The following PCSK5 variants were observed in gnomAD, a reference collection of about 807,000 sequenced individuals.
PCSK5 encodes the protein prohormone convertase 5.
A neutral mutation model predicts 233.2 loss-of-function variants in PCSK5; 129 were observed. The ratio of observed to expected loss-of-function variants is 0.55; its 90% CI spans 0.48 to 0.64. The LOEUF is 0.64. Ranked by LOEUF, PCSK5 falls within the 30% of genes least tolerant of loss-of-function variation. PCSK5 has a pLI of 0.00. For missense variants in PCSK5, 2,076 were observed against 2,430.1 expected (o/e 0.85, Z 3.06); for synonymous variants, 825 against 879.2 (o/e 0.94, Z 1.09).
rs1260453273 is a variant in PCSK5, at chr9:76,068,127, A to T, written c.721+84A>T. ...GGCTTTCAGAATCCTTTTTAAATGG[A>T]GGTTAAACGATTGGGCATATCTCTA... On this transcript the variant is annotated intron_variant, in intron 6 of 37. Coordinates refer to ENST00000674117, the MANE Select transcript of PCSK5 (RefSeq NM_001372043.1). 19 of 931,324 alleles carry T rather than the reference A, an allele frequency of 2.0e-5. No individual in the cohort carries two copies. In the Admixed American group the frequency reaches 3.4e-4, roughly 17 times the overall value. The allele number at this position is 931,324 out of a possible 1,614,324, so 57.7% of individuals were successfully genotyped here.
At chr9:75,919,769 A>C (rs1236858742) in intron 1 of PCSK5, among the ~76,000 whole-genome samples, 1 of 152,184 alleles carries the variant, frequency 6.6e-6, no homozygotes, top group South Asian at 2.1e-4. Flanking sequence ...TTATCCACAG[A>C]TGCTGCTGCT....
chr9:76,246,831 G>A (rs1043149401), intron 24 of PCSK5, among the ~76,000 whole-genome samples: 1 of 152,216 alleles, frequency 6.6e-6, no homozygotes, highest in African/African-American at 2.4e-5. Flanking sequence ...GGTACACATA[G>A]TATGCTACTA....
intron 35 of PCSK5, among the ~76,000 whole-genome samples, chr9:76,345,464 G>T (rs1349355217): frequency 6.6e-6 from 1 of 152,178 alleles, no homozygotes; most frequent in Admixed American, 6.5e-5. Context: ...TGTCGCCCAG[G>T]CTGGAGTGCA....
chr9:76,281,794 G>A (rs552069644), intron 24 of PCSK5, among the ~76,000 whole-genome samples: 72 of 152,122 alleles, frequency 4.7e-4, no homozygotes, highest in African/African-American at 1.6e-3. Context: ...AACTACAGGT[G>A]TATGCCACCA....
At chr9:75,995,058 T>C (rs1050600447) in intron 3 of PCSK5, among the ~76,000 whole-genome samples, 9 of 152,184 alleles carry the variant, frequency 5.9e-5, no homozygotes, top group African/African-American at 2.2e-4. Flanking sequence ...TTAAACATGT[T>C]CTCTCTCTGC....
chr9:75,985,920 A>C (rs1341965841), intron 2 of PCSK5, among the ~76,000 whole-genome samples: 3 of 152,148 alleles, frequency 2.0e-5, no homozygotes, highest in Admixed American at 2.0e-4. Flanking sequence ...TCTATATAAA[A>C]AACTAAAACA....
At chr9:76,327,487 C>A (rs72743128) in intron 32 of PCSK5, among the ~76,000 whole-genome samples, 1 of 152,054 alleles carries the variant, frequency 6.6e-6, no homozygotes, top group Non-Finnish European at 1.5e-5. Context: ...AAATACTTAT[C>A]GATTCCTATT....
chr9:76,018,955 C>T (rs1828069739), intron 3 of PCSK5, among the ~76,000 whole-genome samples: 1 of 152,162 alleles, frequency 6.6e-6, no homozygotes, highest in Non-Finnish European at 1.5e-5. Flanking sequence ...TTGTTTTTGG[C>T]CCTGCTCTAA....
chr9:76,219,741 G>C (rs1825661740), intron 20 of PCSK5, among the ~76,000 whole-genome samples: 4 of 152,216 alleles, frequency 2.6e-5, no homozygotes, highest in Non-Finnish European at 5.9e-5. Flanking sequence ...GTGGAGAGAG[G>C]CCCCCTTTCT....
intron 35 of PCSK5, among the ~76,000 whole-genome samples, chr9:76,341,244 T>C (rs529547425): frequency 6.6e-6 from 1 of 152,140 alleles, no homozygotes; most frequent in East Asian, 1.9e-4. Flanking sequence ...AAAAAAGATT[T>C]CAAATTGTTT....
intron 20 of PCSK5, chr9:76,194,361 G>A: frequency 6.6e-6 from 1 of 152,054 alleles, no homozygotes; most frequent in East Asian, 1.9e-4. Flanking sequence ...TTTAAGAAAT[G>A]GAATTTATTT....
At chr9:76,069,486 A>G (rs372453396) in intron 6 of PCSK5, among the ~76,000 whole-genome samples, 2 of 152,162 alleles carry the variant, frequency 1.3e-5, no homozygotes, top group East Asian at 3.8e-4. Flanking sequence ...ATATGGCAAC[A>G]AATCAAAAAT....
chr9:75,901,820 G>A (rs917955869), intron 1 of PCSK5, among the ~76,000 whole-genome samples: 15 of 152,172 alleles, frequency 9.9e-5, no homozygotes, highest in African/African-American at 3.6e-4. Context: ...TAGCCATTGC[G>A]CAGTGAGTAG....
chr9:75,958,393 C>T (rs996963899), intron 2 of PCSK5, among the ~76,000 whole-genome samples: 6 of 152,152 alleles, frequency 3.9e-5, no homozygotes, highest in African/African-American at 1.4e-4. Flanking sequence ...GTTTATTAGG[C>T]TGTTTTACTC....
chr9:76,011,181 C>T (rs1165387069), intron 3 of PCSK5, among the ~76,000 whole-genome samples: 1 of 152,198 alleles, frequency 6.6e-6, no homozygotes. Flanking sequence ...TTTTCTTGCT[C>T]ATTATACTCC....
intron 9 of PCSK5, among the ~76,000 whole-genome samples, chr9:76,119,165 C>G (rs1016738324): frequency 6.6e-6 from 1 of 151,980 alleles, no homozygotes; most frequent in Non-Finnish European, 1.5e-5. Context: ...GTTTCAAAGT[C>G]ACTCGAAAAG....
chr9:76,096,224 A>T, intron 8 of PCSK5, 122 bp downstream of exon 8: 1 of 643,230 alleles, frequency 1.6e-6, no homozygotes, highest in Non-Finnish European at 2.7e-6. Flanking sequence ...CAGAAGTAAT[A>T]TATGGAAATA....
chr9:76,107,110 A>G, intron 8 of PCSK5, 141 bp from the exon 9 acceptor site: 2 of 552,606 alleles, frequency 3.6e-6, no homozygotes. Flanking sequence ...AAGTGATATG[A>G]TTTACAGGCG....
At chr9:76,261,385 C>T (rs560750020) in intron 24 of PCSK5, among the ~76,000 whole-genome samples, 20 of 152,214 alleles carry the variant, frequency 1.3e-4, no homozygotes, top group African/African-American at 4.8e-4. Context: ...AAAGACACTG[C>T]CAAAAGGCTC....
Sources: gnomAD v4.1 joint callset for allele counts (sites outside exome capture counted in the v4.1 genomes callset) on GRCh38, gnomAD v4.1.1 for gene constraint, MANE v1.5 for transcripts, NCBI Gene and HGNC (gene_info 2026-07-23, HGNC 2026-07-21) for gene names.